ABCD2: variants seen among roughly 807,000 people sequenced by gnomAD.
ABCD2 encodes ATP-binding cassette sub-family D member 2.
ABCD2 carries 36 observed loss-of-function variants against 70.9 expected under a neutral mutation model. The observed-to-expected ratio is 0.51, with a 90% CI of 0.39 to 0.67. The LOEUF (loss-of-function observed/expected upper bound fraction) is 0.67, where lower values mean the gene tolerates loss of function less well. ABCD2 is among the 30% of genes least tolerant of loss of function. The probability of loss-of-function intolerance (pLI) is 0.00; values close to 1 mark genes in which losing one functional copy is unlikely to be tolerated. For synonymous variants in ABCD2, 304 were observed against 306.9 expected (o/e 0.99, Z 0.10); for missense variants, 729 against 890.2 (o/e 0.82, Z 2.30).
intron 9 of ABCD2, among the ~76,000 whole-genome samples, chr12:39,572,071 T>A (rs1941456181): frequency 2.0e-5 from 3 of 152,222 alleles, no homozygotes; most frequent in Non-Finnish European, 2.9e-5. Context: ...TAAAAATGTG[T>A]TTCTTGTCAA....
intron 6 of ABCD2, among the ~76,000 whole-genome samples, chr12:39,595,642 A>G (rs1171001449): frequency 1.3e-5 from 2 of 152,210 alleles, no homozygotes; most frequent in African/African-American, 4.8e-5. Flanking sequence ...ATTAAGTAAC[A>G]TGGTACTTGT....
At chr12:39,567,588 T>G (rs1159030932) in intron 9 of ABCD2, among the ~76,000 whole-genome samples, 3 of 152,184 alleles carry the variant, frequency 2.0e-5, no homozygotes, top group African/African-American at 7.2e-5. Flanking sequence ...TTATCCAATT[T>G]GCCAATTTGT....
At chr12:39,615,732 G>T (rs1339212094) in intron 2 of ABCD2, among the ~76,000 whole-genome samples, 1 of 151,958 alleles carries the variant, frequency 6.6e-6, no homozygotes, top group African/African-American at 2.4e-5. Context: ...GTAAGGACTG[G>T]TTAAAACATT....
At chr12:39,539,812 C>T in the ABCD2 span, 13,068 of 156,246 alleles carry the variant, frequency 0.084, 1,196 homozygotes, top group African/African-American at 0.23. Flanking sequence ...CACTTTACTA[C>T]TGGGGGTTCC....
chr12:39,536,270 A>G, the ABCD2 span, among the ~76,000 whole-genome samples: 1 of 152,162 alleles, frequency 6.6e-6, no homozygotes, highest in Admixed American at 6.5e-5. Context: ...TCTCATTTAA[A>G]TAATGTTGCT....
intron 8 of ABCD2, among the ~76,000 whole-genome samples, chr12:39,574,745 T>A (rs1358401083): frequency 6.6e-6 from 1 of 152,136 alleles, no homozygotes; most frequent in African/African-American, 2.4e-5. Context: ...TACAAAAAAA[T>A]TCTGATTTTT....
At chr12:39,581,496 A>G (rs1043469740) in intron 7 of ABCD2, among the ~76,000 whole-genome samples, 8 of 152,194 alleles carry the variant, frequency 5.3e-5, no homozygotes, top group Non-Finnish European at 7.4e-5. Flanking sequence ...GTTAGGAAAA[A>G]TAATCTTAAA....
chr12:39,616,507 G>A (rs1942116460), intron 2 of ABCD2, among the ~76,000 whole-genome samples: 1 of 152,022 alleles, frequency 6.6e-6, no homozygotes, highest in African/African-American at 2.4e-5. Context: ...ATTCTCTGAA[G>A]CAATATTCCT....
chr12:39,541,842 A>G, the ABCD2 span, among the ~76,000 whole-genome samples: 1 of 152,210 alleles, frequency 6.6e-6, no homozygotes, highest in Non-Finnish European at 1.5e-5. Flanking sequence ...ACACACTACA[A>G]CATTAATGAA....
chr12:39,536,295 A>G, the ABCD2 span, among the ~76,000 whole-genome samples: 66 of 152,244 alleles, frequency 4.3e-4, no homozygotes, highest in African/African-American at 1.6e-3. Flanking sequence ...TATTTTTGAG[A>G]ATGTATCAGA....
At chr12:39,593,949 T>C (rs1289515124) in intron 6 of ABCD2, among the ~76,000 whole-genome samples, 1 of 152,204 alleles carries the variant, frequency 6.6e-6, no homozygotes, top group Non-Finnish European at 1.5e-5. Context: ...AATTTCACTT[T>C]CATATGAGAA....
At chr12:39,591,096 A>G (rs946697534) in intron 6 of ABCD2, among the ~76,000 whole-genome samples, 8 of 152,322 alleles carry the variant, frequency 5.3e-5, no homozygotes, top group African/African-American at 1.9e-4. Flanking sequence ...TTTAAGAATA[A>G]TGTACCACTA....
intron 2 of ABCD2, among the ~76,000 whole-genome samples, chr12:39,609,412 C>T (rs116579500): frequency 0.016 from 2,415 of 152,180 alleles, 33 homozygotes; most frequent in African/African-American, 0.042. Flanking sequence ...TGGTGAAAAC[C>T]GAATAAAGCG....
chr12:39,599,490 C>T (rs1008919316), intron 6 of ABCD2, among the ~76,000 whole-genome samples: 4 of 152,274 alleles, frequency 2.6e-5, no homozygotes, highest in South Asian at 2.1e-4. Flanking sequence ...TTTGGTGTCA[C>T]AAAATGTTAT....
At chr12:39,549,341 A>ACTT (rs1367554193), downstream of ABCD2, among the ~76,000 whole-genome samples, 1 of 151,970 alleles carries the variant, frequency 6.6e-6, no homozygotes, top group Non-Finnish European at 1.5e-5. Flanking sequence ...AAAACAAGTA[A>ACTT]GTCATTTATA....
At chr12:39,599,477 G>A (rs1941866355) in intron 6 of ABCD2, among the ~76,000 whole-genome samples, 1 of 152,178 alleles carries the variant, frequency 6.6e-6, no homozygotes, top group South Asian at 2.1e-4. Context: ...AAGGGACAAT[G>A]CTTTTGGTGT....
chr12:39,555,317 T>A (rs1407521678), intron 9 of ABCD2, among the ~76,000 whole-genome samples: 4 of 152,152 alleles, frequency 2.6e-5, no homozygotes, highest in African/African-American at 9.7e-5. Context: ...CTGACTTCTT[T>A]TACTTATACA....
intron 9 of ABCD2, among the ~76,000 whole-genome samples, chr12:39,556,701 C>T (rs967695260): frequency 2.0e-5 from 3 of 152,080 alleles, no homozygotes; most frequent in Non-Finnish European, 2.9e-5. Flanking sequence ...TATAAAGATA[C>T]CCAGGCCTAA....
chr12:39,536,495 A>C, the ABCD2 span, among the ~76,000 whole-genome samples: 1 of 152,270 alleles, frequency 6.6e-6, no homozygotes, highest in Non-Finnish European at 1.5e-5. Flanking sequence ...TATATTTGGC[A>C]AAATTAAGCT....
Sources: allele counts gnomAD v4.1 joint callset (sites outside exome capture counted in the v4.1 genomes callset), GRCh38; gene constraint gnomAD v4.1.1; transcripts MANE v1.5; gene names NCBI Gene and HGNC (gene_info 2026-07-23, HGNC 2026-07-21).